Variants in PPARA observed in about 807,000 individuals in gnomAD.
The protein encoded by PPARA is peroxisome proliferator-activated receptor alpha.
In PPARA, 22 loss-of-function variants were observed where a neutral mutation model predicts 42.2. The ratio of observed to expected loss-of-function variants is 0.52; its 90% confidence interval spans 0.37 to 0.74. The LOEUF (loss-of-function observed/expected upper bound fraction) is 0.74. Ranked by LOEUF, PPARA falls within the 30% of genes least tolerant of loss-of-function variation. The pLI, the probability that PPARA is intolerant of heterozygous loss-of-function variation, is 0.00. For synonymous variants in PPARA, 242 were observed against 239.3 expected, an observed-to-expected ratio of 1.01 and a Z score of -0.10; for missense variants, 465 against 608.2, an observed-to-expected ratio of 0.76 and a Z score of 2.48.
rs1933034628 is a variant in PPARA at position 46,204,463 on chromosome 22, A to G, written c.208+5872A>G. Among the ~76,000 whole-genome samples the G allele has an allele frequency of 6.6e-6, 1 of 152,178 alleles. No individual in the cohort carries two copies. Among genetic ancestry groups the G allele is most frequent in the Non-Finnish European group, 1.5e-5 (1 of 68,034 alleles). ...TCAGAAAAATCTTAGAAAATGCTAT[A>G]CTATGTTATATTCCCACTGGCAGTA... is the stretch of plus-strand genomic sequence containing the variant. On this transcript the variant is annotated intron_variant, in intron 4 of 8. Coordinates refer to ENST00000407236, the MANE Select transcript of PPARA (RefSeq NM_005036.6). This position sits in a 1 kb window ranked among gnomAD's most constrained non-coding sequence, Gnocchi z 5.2.
rs183935927 is a variant in PPARA, at chr22:46,233,609, T to A, written c.1159+1370T>A. Among the ~76,000 whole-genome samples the A allele has an allele frequency of 2.0e-5, 3 of 152,358 alleles. No individual in the cohort carries two copies. The East Asian group carries it at 5.8e-4, about 29-fold the overall frequency. On this transcript the variant is annotated intron_variant, in intron 8 of 8. Coordinates refer to ENST00000407236, the MANE Select transcript of PPARA (RefSeq NM_005036.6). This position sits in a 1 kb window ranked among gnomAD's most constrained non-coding sequence, Gnocchi z 7.3. ...AAAGTGTACAAAGACAAAGCAGTTA[T>A]GCATAATTTGTCCTTTAGTATGGTC...
rs906245781 is a variant in PPARA at position 46,212,546 on chromosome 22, T to C, written c.209-2627T>C. ...TGTAGCCTTTTCAGACTGACTTCTT[T>C]CATAGCAATATGCATTTAAGAGTCA... On this transcript the variant is annotated intron_variant, in intron 4 of 8. Transcript: ENST00000407236. The surrounding 1 kb of genome is among the most constrained non-coding windows in gnomAD (Gnocchi z 4.2). Among the ~76,000 whole-genome samples, 27 of 152,234 alleles carry C rather than the reference T, an allele frequency of 1.8e-4. No individual in the cohort carries two copies. The highest frequency in any genetic ancestry group is 6.5e-4 in the African/African-American group (27 of 41,468).
chr22:46,218,659 C>T (rs903647913), intron 6 of PPARA, among the ~76,000 whole-genome samples: 10 of 151,098 alleles, frequency 6.6e-5, no homozygotes, highest in Non-Finnish European at 1.5e-4. Context: ...TATGGTGAAA[C>T]CCCGTCTCTA....
At chr22:46,198,307 C>T (rs563107611) in intron 3 of PPARA, 35 bp from the exon 4 acceptor site, 226 of 1,115,144 alleles carry the variant, frequency 2.0e-4, no homozygotes, top group Non-Finnish European at 2.8e-4. Flanking sequence ...CGTTGTTATA[C>T]GTCAGTCTTA....
intron 2 of PPARA, among the ~76,000 whole-genome samples, chr22:46,157,355 T>G (rs1569181383): frequency 6.6e-6 from 1 of 152,194 alleles, no homozygotes; most frequent in Non-Finnish European, 1.5e-5. Context: ...CAGCGGCACC[T>G]ACGGATGATG....
In PPARA at chr22:46,183,012, T is replaced by A. The variant is rs1401218605; in HGVS notation, c.-43+6176T>A. Among the ~76,000 whole-genome samples the A allele has an allele frequency of 6.6e-6, 1 of 152,212 alleles. No individual in the cohort carries two copies. Among genetic ancestry groups the A allele is most frequent in the East Asian group, 1.9e-4 (1 of 5,188 alleles). The stretch of plus-strand genomic sequence containing the variant: ...CACCCACCTCGGCCTCCCAAAGTGT[T>A]GGGATTATAGGCATGAGCCACAGCA... On this transcript the variant is annotated intron_variant, in intron 3 of 8. Transcript: ENST00000407236. The surrounding 1 kb of genome is among the most constrained non-coding windows in gnomAD (Gnocchi z 5.5).
At position 46,200,540 on chromosome 22, in the gene PPARA, A is replaced by T. The variant is rs1424005248; in HGVS notation, c.208+1949A>T. On this transcript the variant is annotated intron_variant, in intron 4 of 8. Coordinates refer to ENST00000407236, the MANE Select transcript of PPARA (RefSeq NM_005036.6). This position sits in a 1 kb window ranked among gnomAD's most constrained non-coding sequence, Gnocchi z 4.8. ...AGTATTATCATCTTATGGGACCATG[A>T]TACCACAGTTGAACTTATGGTCTAT... 6.6e-6 allele frequency among the ~76,000 whole-genome samples: 1 copy of T among 152,272 alleles called. No homozygotes were observed. Among genetic ancestry groups the T allele is most frequent in the Admixed American group, 6.5e-5 (1 of 15,284 alleles).
Position 46,196,186 on chromosome 22 carries a change from T to C in PPARA, c.-42-2156T>C, listed in dbSNP as rs1932214224. On this transcript the variant is annotated intron_variant, in intron 3 of 8. Coordinates refer to ENST00000407236, the MANE Select transcript of PPARA (RefSeq NM_005036.6). The surrounding 1 kb of genome is among the most constrained non-coding windows in gnomAD (Gnocchi z 5.6). ...GGTTTAGGATGTTTCAGCGAGAGCA[T>C]GATACAGACTAACCCAGGAAGAACC... Among the ~76,000 whole-genome samples, 1 of 152,206 alleles carries C rather than the reference T, an allele frequency of 6.6e-6. No individual in the cohort carries two copies. Among genetic ancestry groups the C allele is most frequent in the Admixed American group, 6.5e-5 (1 of 15,282 alleles).
intron 2 of PPARA, among the ~76,000 whole-genome samples, chr22:46,159,316 A>G (rs994403515): frequency 2.6e-5 from 4 of 152,204 alleles, no homozygotes; most frequent in Non-Finnish European, 4.4e-5. Context: ...GTTTTTTGTA[A>G]TAGAAACAAG....
At position 46,240,141 on chromosome 22, in the gene PPARA, A is replaced by C. The variant is rs1252277508; in HGVS notation, c.*4761A>C. ...ACCTCTTCAACAGTGTGGCCTTTCA[A>C]AATGCAGATGCCACCAGGAGAACAT... On this transcript the variant is annotated 3_prime_UTR_variant, in exon 9 of 9. Transcript: ENST00000407236. This position sits in a 1 kb window ranked among gnomAD's most constrained non-coding sequence, Gnocchi z 6.0. The C allele has an allele frequency of 7.5e-6, 3 of 398,696 alleles. No homozygotes were observed. The East Asian group carries it at 1.1e-4, about 14-fold the overall frequency. 24.7% of individuals were successfully genotyped at this position (398,696 alleles called of 1,614,324 possible). A position where few individuals can be genotyped will look rare whatever the true frequency, so the allele number is the denominator to read the frequency against.
intron 4 of PPARA, among the ~76,000 whole-genome samples, chr22:46,207,349 T>C (rs549427064): frequency 6.7e-6 from 1 of 148,476 alleles, no homozygotes; most frequent in East Asian, 2.0e-4. Context: ...TGGTGCCATC[T>C]TGGCTCACTG....
At position 46,183,747 on chromosome 22, in the gene PPARA, A is replaced by C. The variant is rs1930288537; in HGVS notation, c.-43+6911A>C. ...AAGAAGGAAACTCTGTGTCCAAAAC[A>C]AAACAAAACAAAACAAAAAAAGCTA... On this transcript the variant is annotated intron_variant, in intron 3 of 8. Coordinates refer to ENST00000407236, the MANE Select transcript of PPARA (RefSeq NM_005036.6). The surrounding 1 kb of genome is among the most constrained non-coding windows in gnomAD (Gnocchi z 5.5). Among the ~76,000 whole-genome samples, 1 of 152,192 alleles carries C rather than the reference A, an allele frequency of 6.6e-6. No individual in the cohort carries two copies.
rs1931750825 is a variant in PPARA, at chr22:46,192,910, G to T, written c.-42-5432G>T. Reference sequence around the variant, plus strand: ...AAACTTCACATGTTCTCACTTATTTGTGGGCTCTAAAAATCAAATCACTTG... The same window carrying T: ...AAACTTCACATGTTCTCACTTATTTTTGGGCTCTAAAAATCAAATCACTTG... On this transcript the variant is annotated intron_variant, in intron 3 of 8. Coordinates refer to ENST00000407236, the MANE Select transcript of PPARA (RefSeq NM_005036.6). The surrounding 1 kb of genome is among the most constrained non-coding windows in gnomAD (Gnocchi z 4.3). 6.6e-6 allele frequency among the ~76,000 whole-genome samples: 1 copy of T among 152,156 alleles called. No individual in the cohort carries two copies. Among genetic ancestry groups the T allele is most frequent in the African/African-American group, 2.4e-5 (1 of 41,442 alleles).
rs1460202017 is a variant in PPARA at position 46,160,244 on chromosome 22, A to G, written c.-127+8274A>G. ...AAAGTCCCAGGCTTCACGTGGGAAC[A>G]GAGAATGTGAAGAGTATTTAGCAGG... is the stretch of plus-strand genomic sequence containing the variant. On this transcript the variant is annotated intron_variant, in intron 2 of 8. Coordinates refer to ENST00000407236, the MANE Select transcript of PPARA (RefSeq NM_005036.6). This position sits in a 1 kb window ranked among gnomAD's most constrained non-coding sequence, Gnocchi z 4.5. Among the ~76,000 whole-genome samples, 1 of 152,216 alleles carries G rather than the reference A, an allele frequency of 6.6e-6. No individual in the cohort carries two copies. Among genetic ancestry groups the G allele is most frequent in the Admixed American group, 6.5e-5 (1 of 15,288 alleles).
At chr22:46,177,039 T>C (rs985394780) in intron 3 of PPARA, among the ~76,000 whole-genome samples, 3 of 152,174 alleles carry the variant, frequency 2.0e-5, no homozygotes, top group African/African-American at 7.2e-5. Flanking sequence ...TGAAACCCTG[T>C]CTCTACTACA....
At position 46,216,057 on chromosome 22, in the gene PPARA, A is replaced by G. The variant is rs1015245186; in HGVS notation, c.369+724A>G. Reference sequence around the variant, plus strand: ...CAAATGGTTCCTCTGTGCTTTGTAAATACTTAGAGAAGTGCATTCTTTAAA... The same window carrying G: ...CAAATGGTTCCTCTGTGCTTTGTAAGTACTTAGAGAAGTGCATTCTTTAAA... On this transcript the variant is annotated intron_variant, in intron 5 of 8. Transcript: ENST00000407236. The surrounding 1 kb of genome is among the most constrained non-coding windows in gnomAD (Gnocchi z 4.5). Among the ~76,000 whole-genome samples, 12 of 152,174 alleles carry G rather than the reference A, an allele frequency of 7.9e-5. No homozygotes were observed. The highest frequency in any genetic ancestry group is 1.5e-5 in the Non-Finnish European group (1 of 68,046).
intron 4 of PPARA, among the ~76,000 whole-genome samples, chr22:46,201,124 C>CA (rs1361052121): frequency 0.1 from 6,260 of 61,402 alleles, 372 homozygotes; most frequent in African/African-American, 0.23. Context: ...GATTCCGTCT[C>CA]AAAAAAAAAA....
chr22:46,215,045 A>C lies in PPARA; in HGVS notation c.209-128A>C, dbSNP rs979946635. On this transcript the variant is annotated intron_variant, in intron 4 of 8. Coordinates refer to ENST00000407236, the MANE Select transcript of PPARA (RefSeq NM_005036.6). ...ACCCAGAGGCAGGGCCCGGCCCCGC[A>C]TGGGTGTTCTGAGGTTTATGCCTCA... 6.9e-6 allele frequency: 8 copies of C among 1,164,762 alleles called. No individual in the cohort carries two copies. The East Asian group carries it at 2.0e-4, about 29-fold the overall frequency. The allele number at this position is 1,164,762 out of a possible 1,614,324, so 72.2% of individuals were successfully genotyped here. A position where few individuals can be genotyped will look rare whatever the true frequency, so the allele number is the denominator to read the frequency against.
chr22:46,180,767 C>T lies in PPARA; in HGVS notation c.-43+3931C>T, dbSNP rs1010264753. On this transcript the variant is annotated intron_variant, in intron 3 of 8. Coordinates refer to ENST00000407236, the MANE Select transcript of PPARA (RefSeq NM_005036.6). The surrounding 1 kb of genome is among the most constrained non-coding windows in gnomAD (Gnocchi z 4.2). ...ATAAATCCTCCTGAACCCCATCAAT[C>T]GCTCCAGTTCTCTGATTTCCCACTA... 8.5e-5 allele frequency among the ~76,000 whole-genome samples: 13 copies of T among 152,154 alleles called. No individual in the cohort carries two copies. The East Asian group carries it at 1.7e-3, about 20-fold the overall frequency.
Sources: allele counts gnomAD v4.1 joint callset (sites outside exome capture counted in the v4.1 genomes callset), GRCh38; gene constraint gnomAD v4.1.1; non-coding constraint Gnocchi (gnomAD v3.1); transcripts MANE v1.5; gene names NCBI Gene and HGNC (gene_info 2026-07-23, HGNC 2026-07-21).